The following LMO7 variants were observed in gnomAD, a reference collection of about 807,000 sequenced individuals.
The protein encoded by LMO7 is LIM domain only protein 7.
LMO7 carries 120 observed loss-of-function variants against 206.5 expected under a neutral mutation model. The ratio of observed to expected loss-of-function variants is 0.58; its 90% CI spans 0.50 to 0.68. The LOEUF is 0.68. LMO7 is among the 30% of genes least tolerant of loss of function. LMO7 has a pLI of 0.00. For missense variants in LMO7, 1,959 were observed against 1,957.9 expected (o/e 1.00, Z -0.01); for synonymous variants, 706 against 681.5 (o/e 1.04, Z -0.56).
chr13:75,636,958 C>T (rs1008937437), intron 1 of LMO7, among the ~76,000 whole-genome samples: 3 of 152,204 alleles, frequency 2.0e-5, no homozygotes, highest in African/African-American at 7.2e-5. Flanking sequence ...CCGACGGTGT[C>T]ACTGGCTTCC....
chr13:75,781,263 G>T (rs1224054685), intron 4 of LMO7, among the ~76,000 whole-genome samples: 2 of 130,458 alleles, frequency 1.5e-5, no homozygotes, highest in African/African-American at 5.8e-5. Flanking sequence ...ATCTCCCAAT[G>T]CTATCCCTCC....
At chr13:75,721,460 A>G (rs962427305) in intron 2 of LMO7, among the ~76,000 whole-genome samples, 40 of 152,214 alleles carry the variant, frequency 2.6e-4, no homozygotes, top group African/African-American at 8.2e-4. Context: ...ATCCCAGCAC[A>G]TTGCCATATT....
chr13:75,742,536 T>A (rs1250832695), intron 3 of LMO7, among the ~76,000 whole-genome samples: 2 of 152,072 alleles, frequency 1.3e-5, no homozygotes, highest in Non-Finnish European at 2.9e-5. Context: ...CATAGACCAA[T>A]GGAACAGAAT....
At chr13:75,788,637 G>A (rs1476532754) in intron 4 of LMO7, among the ~76,000 whole-genome samples, 5 of 151,890 alleles carry the variant, frequency 3.3e-5, no homozygotes, top group African/African-American at 1.2e-4. Context: ...CATGATTCAC[G>A]GCCTCATTTC....
intron 1 of LMO7, among the ~76,000 whole-genome samples, chr13:75,683,442 A>C (rs2040721778): frequency 6.6e-6 from 1 of 152,198 alleles, no homozygotes; most frequent in African/African-American, 2.4e-5. Context: ...TGCATATAGA[A>C]GTCCAGTTGT....
chr13:75,841,543 A>G, intron 23 of LMO7, 85 bp from the exon 24 acceptor site: 1 of 969,734 alleles, frequency 1.0e-6, no homozygotes, highest in Non-Finnish European at 1.5e-6. Flanking sequence ...AGTTAGTAGC[A>G]TCTAAAACTG....
At chr13:75,713,972 G>C (rs2043319845) in intron 2 of LMO7, among the ~76,000 whole-genome samples, 1 of 152,148 alleles carries the variant, frequency 6.6e-6, no homozygotes, top group Non-Finnish European at 1.5e-5. Context: ...TTGCAGAAGC[G>C]AGCAAATAAA....
At chr13:75,839,981 G>A (rs772047016) in intron 20 of LMO7, 104 bp from the exon 21 acceptor site, 1 of 1,044,676 alleles carries the variant, frequency 9.6e-7, no homozygotes. Context: ...TTAGTATACT[G>A]GCATAGAGAC....
chr13:75,776,112 T>TAC (rs1297817066), intron 4 of LMO7, among the ~76,000 whole-genome samples: 24 of 77,272 alleles, frequency 3.1e-4, no homozygotes, highest in Non-Finnish European at 4.8e-4. Context: ...TATATATATA[T>TAC]ACATACATAC....
Position 75,770,692 on chromosome 13 carries a change from C to T in LMO7, c.317+9654C>T, listed in dbSNP as rs75160596. Reference sequence around the variant, plus strand: ...CTGTATTATAGCCTCCAGAGTATCTCAGAAATATTCCTGTCACTATGATGC... The same window carrying T: ...CTGTATTATAGCCTCCAGAGTATCTTAGAAATATTCCTGTCACTATGATGC... On this transcript the variant is annotated intron_variant, in intron 4 of 30. Transcript: ENST00000377534. 4.5e-3 allele frequency among the ~76,000 whole-genome samples: 680 copies of T among 152,204 alleles called. 4 individuals are homozygous for T. The highest frequency in any genetic ancestry group is 0.016 in the African/African-American group (648 of 41,542).
intron 27 of LMO7, 23 bp downstream of exon 27, chr13:75,849,315 G>A: frequency 6.4e-7 from 1 of 1,574,050 alleles, no homozygotes; most frequent in Non-Finnish European, 8.7e-7. Context: ...TTAGGAATTG[G>A]TTTCTTGTCT....
At chr13:75,740,997 C>G (rs760907429) in intron 3 of LMO7, among the ~76,000 whole-genome samples, 1 of 152,158 alleles carries the variant, frequency 6.6e-6, no homozygotes, top group Non-Finnish European at 1.5e-5. Flanking sequence ...TCTGTTGCAT[C>G]AGACCTTGGT....
At chr13:75,684,192 C>A (rs910128564) in intron 1 of LMO7, among the ~76,000 whole-genome samples, 1 of 152,100 alleles carries the variant, frequency 6.6e-6, no homozygotes, top group African/African-American at 2.4e-5. Flanking sequence ...TTTTGGTGTA[C>A]AGAAGTACTG....
chr13:75,773,609 G>A (rs1343402517), intron 4 of LMO7, among the ~76,000 whole-genome samples: 2 of 152,176 alleles, frequency 1.3e-5, no homozygotes, highest in African/African-American at 4.8e-5. Context: ...ATTGAGCCAA[G>A]TGAAGGAGAA....
chr13:75,629,915 T>C (rs2034693035), intron 2 of LMO7, among the ~76,000 whole-genome samples: 1 of 152,034 alleles, frequency 6.6e-6, no homozygotes, highest in Non-Finnish European at 1.5e-5. Context: ...CAGGAGGGGA[T>C]TGAAGGTTGT....
intron 1 of LMO7, among the ~76,000 whole-genome samples, chr13:75,671,122 C>T (rs2039540778): frequency 6.6e-6 from 1 of 152,020 alleles, no homozygotes; most frequent in Non-Finnish European, 1.5e-5. Context: ...GGCAATAGCA[C>T]ACATGAAGCT....
chr13:75,690,099 T>C (rs2041338184), intron 1 of LMO7, among the ~76,000 whole-genome samples: 1 of 152,006 alleles, frequency 6.6e-6, no homozygotes, highest in African/African-American at 2.4e-5. Context: ...TACTTATTTT[T>C]ATTTTTATTT....
At chr13:75,686,077 C>T (rs2040961462) in intron 1 of LMO7, among the ~76,000 whole-genome samples, 1 of 151,916 alleles carries the variant, frequency 6.6e-6, no homozygotes, top group African/African-American at 2.4e-5. Flanking sequence ...CGTGGTCTCA[C>T]CATGTTGTCC....
intron 11 of LMO7, among the ~76,000 whole-genome samples, chr13:75,816,473 T>A (rs11842568): frequency 0.011 from 1,639 of 152,324 alleles, 25 homozygotes; most frequent in African/African-American, 0.034. Flanking sequence ...CCCACTCTGT[T>A]CATTGGTTTC....
Sources: allele counts gnomAD v4.1 joint callset (sites outside exome capture counted in the v4.1 genomes callset), GRCh38; gene constraint gnomAD v4.1.1; transcripts MANE v1.5; gene names NCBI Gene and HGNC (gene_info 2026-07-23, HGNC 2026-07-21).